KIAA0825: variants seen among roughly 807,000 people sequenced by gnomAD.
KIAA0825 encodes the protein uncharacterized protein KIAA0825.
Under a neutral mutation model 147.6 loss-of-function variants are expected in KIAA0825, and 119 were observed. The observed-to-expected ratio is 0.81, with a 90% confidence interval of 0.69 to 0.94. KIAA0825 has a LOEUF of 0.94. Ranked by LOEUF, KIAA0825 falls within the 40% of genes least tolerant of loss-of-function variation. KIAA0825 has a pLI of 0.00. For missense variants in KIAA0825, 1,381 were observed against 1,472.7 expected (o/e 0.94, Z 1.02); for synonymous variants, 470 against 518.1 (o/e 0.91, Z 1.26).
intron 12 of KIAA0825, among the ~76,000 whole-genome samples, chr5:94,456,509 G>A (rs912742923): frequency 6.6e-6 from 1 of 152,112 alleles, no homozygotes; most frequent in Non-Finnish European, 1.5e-5. Flanking sequence ...CAAGGGTAAG[G>A]TCATCAAAGG....
chr5:94,199,760 C>G (rs1284209711), intron 20 of KIAA0825, among the ~76,000 whole-genome samples: 5 of 152,102 alleles, frequency 3.3e-5, no homozygotes, highest in Admixed American at 3.3e-4. Flanking sequence ...ATGCTGCAGG[C>G]AAGTGCATGC....
At chr5:94,238,701 A>G (rs945586796) in intron 20 of KIAA0825, among the ~76,000 whole-genome samples, 1 of 151,362 alleles carries the variant, frequency 6.6e-6, no homozygotes, top group Admixed American at 6.7e-5. Context: ...GCCAAAAAGT[A>G]CAATCAACAC....
intron 19 of KIAA0825, among the ~76,000 whole-genome samples, chr5:94,385,744 T>C (rs1749053220): frequency 1.3e-5 from 2 of 152,182 alleles, no homozygotes; most frequent in African/African-American, 4.8e-5. Flanking sequence ...CATTAACAAA[T>C]TCATTTTAAA....
intron 20 of KIAA0825, among the ~76,000 whole-genome samples, chr5:94,321,124 T>G (rs185741294): frequency 1.8e-3 from 281 of 152,102 alleles, no homozygotes; most frequent in Non-Finnish European, 2.5e-3. Flanking sequence ...GAGTTATGAA[T>G]GAAACTATAA....
At chr5:94,568,454 A>G (rs556353004) in intron 2 of KIAA0825, 3 of 153,364 alleles carry the variant, frequency 2.0e-5, no homozygotes, top group Non-Finnish European at 4.4e-5. Context: ...AACCCTAACC[A>G]ACATCAACGA....
intron 20 of KIAA0825, among the ~76,000 whole-genome samples, chr5:94,188,598 AT>A (rs1239298838): frequency 1.3e-5 from 2 of 151,902 alleles, no homozygotes; most frequent in African/African-American, 4.8e-5. Context: ...TTTTTGAGTT[AT>A]TCATATTTTG....
chr5:94,383,735 A>G (rs1264511582), intron 20 of KIAA0825, among the ~76,000 whole-genome samples: 1 of 151,852 alleles, frequency 6.6e-6, no homozygotes, highest in Non-Finnish European at 1.5e-5. Flanking sequence ...AATAAATTAC[A>G]TGTTGTTTCC....
At chr5:94,274,485 G>A (rs1777131504) in intron 20 of KIAA0825, among the ~76,000 whole-genome samples, 1 of 151,996 alleles carries the variant, frequency 6.6e-6, no homozygotes, top group Admixed American at 6.6e-5. Flanking sequence ...CAGGCTCCGA[G>A]CTAATTACTG....
intron 13 of KIAA0825, among the ~76,000 whole-genome samples, chr5:94,447,923 C>G (rs1295627440): frequency 6.6e-6 from 1 of 151,984 alleles, no homozygotes; most frequent in Non-Finnish European, 1.5e-5. Context: ...ACTGTTTACT[C>G]ACACTGATTA....
At chr5:94,529,405 C>CTCATATATGTATATATCATGTGTATATA (rs1770280329) in intron 3 of KIAA0825, among the ~76,000 whole-genome samples, 1 of 97,464 alleles carries the variant, frequency 1.0e-5, no homozygotes, top group Admixed American at 1.2e-4. Context: ...ATATGTATAT[C>CTCATATATGTATATATCATGTGTATATA]TCATATATGT....
chr5:94,313,280 G>T (rs1185093693), intron 20 of KIAA0825, among the ~76,000 whole-genome samples: 1 of 151,620 alleles, frequency 6.6e-6, no homozygotes. Context: ...CAATCCAACT[G>T]CTTTCAGAGC....
At chr5:94,405,738 C>T (rs1413671032) in intron 15 of KIAA0825, among the ~76,000 whole-genome samples, 2 of 151,968 alleles carry the variant, frequency 1.3e-5, no homozygotes, top group Non-Finnish European at 2.9e-5. Flanking sequence ...AGTACGGCAA[C>T]GATGTATTCT....
chr5:94,334,308 T>G (rs1458689056), intron 20 of KIAA0825, among the ~76,000 whole-genome samples: 2 of 152,342 alleles, frequency 1.3e-5, no homozygotes, highest in East Asian at 3.9e-4. Flanking sequence ...AAGGAAAAAC[T>G]GAAACATCTA....
chr5:94,281,823 C>T (rs1777481764), intron 20 of KIAA0825, among the ~76,000 whole-genome samples: 2 of 152,230 alleles, frequency 1.3e-5, no homozygotes, highest in South Asian at 4.1e-4. Flanking sequence ...TGAGTCTCAG[C>T]AGCAGCTGCT....
At chr5:94,282,343 T>C (rs1262964456) in intron 20 of KIAA0825, among the ~76,000 whole-genome samples, 1 of 152,098 alleles carries the variant, frequency 6.6e-6, no homozygotes, top group Non-Finnish European at 1.5e-5. Context: ...TGATTATAAC[T>C]ATATACAGCA....
intron 2 of KIAA0825, among the ~76,000 whole-genome samples, chr5:94,540,102 A>T (rs1279726478): frequency 6.6e-6 from 1 of 151,942 alleles, no homozygotes; most frequent in African/African-American, 2.4e-5. Flanking sequence ...CGCCTTCCCC[A>T]CCCCGCCTGA....
intron 12 of KIAA0825, among the ~76,000 whole-genome samples, chr5:94,453,538 C>T (rs1346959841): frequency 6.6e-6 from 1 of 151,900 alleles, no homozygotes; most frequent in Non-Finnish European, 1.5e-5. Context: ...GACAATGCCG[C>T]TACTTCATCC....
At position 94,523,948 on chromosome 5, in the gene KIAA0825, T is replaced by C; in HGVS notation, c.282A>G (p.Ile94Met). The C allele has an allele frequency of 6.3e-7, 1 of 1,598,188 alleles. No homozygotes were observed. Among genetic ancestry groups the C allele is most frequent in the Non-Finnish European group, 8.5e-7 (1 of 1,171,506 alleles). The change falls in exon 4 of 21, where the codon ATA (isoleucine) becomes ATG (methionine). Residue 94 changes from isoleucine (I) to methionine (M), a missense_variant. Physicochemically the swap from Ile to Met is conservative, Grantham distance 10. Transcript: ENST00000682413. ...ESSFISHGDL[I>M]KFFKTLQDLL... is the part of the protein sequence containing the mutation. ...ATTTTACCAGTGTTTTGAAAAATTT[T>C]ATCAAGTCTCCATGAGAAATGAAAG...
At chr5:94,492,717 C>G (rs1230536070) in intron 5 of KIAA0825, among the ~76,000 whole-genome samples, 1 of 152,188 alleles carries the variant, frequency 6.6e-6, no homozygotes, top group Admixed American at 6.5e-5. Flanking sequence ...TGTAAACATG[C>G]TTCTTTTAGT....
Sources: allele counts gnomAD v4.1 joint callset (sites outside exome capture counted in the v4.1 genomes callset), GRCh38; gene constraint gnomAD v4.1.1; transcripts MANE v1.5; gene names NCBI Gene and HGNC (gene_info 2026-07-23, HGNC 2026-07-21).